Variants in SETDB2 observed in about 807,000 individuals in gnomAD.
SETDB2 encodes histone-lysine N-methyltransferase SETDB2.
In SETDB2, 56 loss-of-function variants were observed where a neutral mutation model predicts 82.5. The observed-to-expected ratio is 0.68, with a 90% CI of 0.55 to 0.85. SETDB2 has a LOEUF of 0.85. Ranked by LOEUF, SETDB2 falls within the 40% of genes least tolerant of loss-of-function variation. The pLI, the probability that SETDB2 is intolerant of heterozygous loss-of-function variation, is 0.00. For missense variants in SETDB2, 677 were observed against 816.4 expected (o/e 0.83, Z 2.08); for synonymous variants, 272 against 284.9 (o/e 0.95, Z 0.46).
intron 2 of SETDB2, among the ~76,000 whole-genome samples, chr13:49,457,466 C>G (rs1339828168): frequency 1.5e-5 from 2 of 131,960 alleles, no homozygotes; most frequent in African/African-American, 2.8e-5. Context: ...AAGAGTCTTG[C>G]TCTGTTACCC....
chr13:49,455,148 A>G (rs1347563760), intron 2 of SETDB2, among the ~76,000 whole-genome samples: 1 of 152,148 alleles, frequency 6.6e-6, no homozygotes, highest in Non-Finnish European at 1.5e-5. Flanking sequence ...TTAGATTCTT[A>G]TATCTGCTTC....
intron 4 of SETDB2, among the ~76,000 whole-genome samples, chr13:49,467,522 A>G (rs1958140197): frequency 6.6e-6 from 1 of 152,234 alleles, no homozygotes; most frequent in African/African-American, 2.4e-5. Flanking sequence ...TCTGACTTTT[A>G]TAGAGCCTTT....
At position 49,477,001 on chromosome 13, in the gene SETDB2, T is replaced by G. The variant is rs755499596; in HGVS notation, c.831T>G (p.Phe277Leu). 39 of 1,610,208 alleles carry G rather than the reference T, an allele frequency of 2.4e-5. No individual in the cohort carries two copies. The highest frequency in any genetic ancestry group is 3.3e-5 in the South Asian group (3 of 90,736). ...AYNLTNFSSM[F>L]TDSCDCSEGC... ...ATCTAACCAACTTTTCCAGCATGTT[T>G]ACTGATTCCTGTGACTGCTCTGAGG... Residue 277 changes from phenylalanine (F) to leucine (L), a missense_variant, in exon 6 of 14, where the codon TTT becomes TTG. Around this residue, in one of 3 missense-constraint regions of SETDB2, gnomAD observed 420 missense variants for 554.6 expected, o/e 0.76. Transcript: ENST00000611815.
intron 1 of SETDB2, among the ~76,000 whole-genome samples, chr13:49,449,343 C>T (rs2138806951): frequency 6.6e-6 from 1 of 152,112 alleles, no homozygotes; most frequent in Non-Finnish European, 1.5e-5. Context: ...CTCTGCCTCC[C>T]AGGTTCAAGC....
At chr13:49,448,901 T>C (rs1417402836) in intron 1 of SETDB2, among the ~76,000 whole-genome samples, 1 of 152,184 alleles carries the variant, frequency 6.6e-6, no homozygotes, top group African/African-American at 2.4e-5. Context: ...TATTTCAGAG[T>C]GATGTTATTT....
At chr13:49,466,109 C>A (rs1387074456) in intron 4 of SETDB2, among the ~76,000 whole-genome samples, 1 of 152,130 alleles carries the variant, frequency 6.6e-6, no homozygotes, top group Non-Finnish European at 1.5e-5. Context: ...GTCTCTTTCT[C>A]CATATCATTT....
chr13:49,479,049 C>A (rs1958426470), intron 6 of SETDB2, among the ~76,000 whole-genome samples: 1 of 151,616 alleles, frequency 6.6e-6, no homozygotes, highest in Non-Finnish European at 1.5e-5. Context: ...TATTGAACAA[C>A]AAAAAAAGCA....
In SETDB2 at chr13:49,476,624, C is replaced by A; in HGVS notation, c.454C>A (p.Pro152Thr). The change falls in exon 6 of 14, where the codon CCT becomes ACT. Residue 152 changes from proline (P) to threonine (T), a missense_variant. Physicochemically the swap from Pro to Thr is conservative, Grantham distance 38. This residue lies in a region of SETDB2 where 243 missense variants were observed against 237.2 expected (regional missense o/e 1.02). Coordinates refer to ENST00000611815, the MANE Select transcript of SETDB2 (RefSeq NM_001160308.3). The stretch of plus-strand genomic sequence containing the variant: ...GCCACTGAACTTGAAGGGAGAAAAC[C>A]CTCTGCAGCTGCCAATCAAATGTCA... ...KMPLNLKGENPLQLPIKCHFQ... is the reference protein window; with the variant it reads ...KMPLNLKGENTLQLPIKCHFQ... 1 of 1,614,056 alleles carries A rather than the reference C, an allele frequency of 6.2e-7. No individual in the cohort carries two copies. Among genetic ancestry groups the A allele is most frequent in the Non-Finnish European group, 8.5e-7 (1 of 1,180,014 alleles).
intron 2 of SETDB2, among the ~76,000 whole-genome samples, chr13:49,458,449 T>C (rs1957933332): frequency 6.6e-6 from 1 of 152,216 alleles, no homozygotes; most frequent in Non-Finnish European, 1.5e-5. Context: ...CCAACTACAC[T>C]TGAACTCCAA....
chr13:49,480,312 A>G lies in SETDB2; in HGVS notation c.963A>G (p.Arg321=), dbSNP rs766517724. The change falls in exon 7 of 14, where the codon AGA becomes AGG. Residue 321 remains arginine (R), a synonymous_variant. Coordinates refer to ENST00000611815, the MANE Select transcript of SETDB2 (RefSeq NM_001160308.3). ...TAACCACTGGATATAAATATAAAAG[A>G]CTACAGAGACAGATTCCTACTGGGT... is the stretch of plus-strand genomic sequence containing the variant. ...DKITTGYKYK[R]LQRQIPTGIY... The G allele has an allele frequency of 3.1e-6, 5 of 1,603,096 alleles. No homozygotes were observed. The highest frequency in any genetic ancestry group is 4.3e-6 in the Non-Finnish European group (5 of 1,176,180).
intron 6 of SETDB2, 32 bp from the exon 7 acceptor site, chr13:49,480,187 C>T (rs1300186612): frequency 7.0e-7 from 1 of 1,428,192 alleles, no homozygotes; most frequent in Non-Finnish European, 9.7e-7. Context: ...GCTGCTTTTT[C>T]ATTCTTTCTC....
At chr13:49,452,050 A>G (rs1957795270) in intron 2 of SETDB2, 141 bp downstream of exon 2, 1 of 506,296 alleles carries the variant, frequency 2.0e-6, no homozygotes, top group Non-Finnish European at 3.3e-6. Flanking sequence ...TTATTCTTGT[A>G]TAGCCACCAA....
intron 10 of SETDB2, among the ~76,000 whole-genome samples, 190 bp downstream of exon 10, chr13:49,483,753 G>A (rs747775250): frequency 6.7e-6 from 1 of 149,890 alleles, no homozygotes; most frequent in Non-Finnish European, 1.5e-5. Context: ...TCAGCCTCCC[G>A]AATGGCTGGG....
At chr13:49,450,901 C>A (rs1957773062) in intron 1 of SETDB2, among the ~76,000 whole-genome samples, 1 of 150,750 alleles carries the variant, frequency 6.6e-6, no homozygotes. Flanking sequence ...AAAAATTAAT[C>A]TATAAAGGAA....
intron 5 of SETDB2, among the ~76,000 whole-genome samples, chr13:49,473,163 TAATC>T (rs2138923051): frequency 6.6e-6 from 1 of 152,278 alleles, no homozygotes; most frequent in African/African-American, 2.4e-5. Context: ...TATCCTGAAT[TAATC>T]CCTTCATATT....
intron 11 of SETDB2, 131 bp downstream of exon 11, chr13:49,485,854 C>A: frequency 1.1e-6 from 1 of 903,964 alleles, no homozygotes; most frequent in South Asian, 1.3e-5. Context: ...TACAACTTGT[C>A]TACATAAGAG....
intron 5 of SETDB2, among the ~76,000 whole-genome samples, chr13:49,468,497 A>G (rs1245836557): frequency 6.6e-6 from 1 of 151,776 alleles, no homozygotes; most frequent in Non-Finnish European, 1.5e-5. Context: ...TATTTTTAGT[A>G]GGTAATACCT....
intron 8 of SETDB2, chr13:49,481,908 A>T: frequency 3.6e-6 from 1 of 280,364 alleles, no homozygotes; most frequent in Non-Finnish European, 5.4e-6. Context: ...AATCAGGTTT[A>T]ATCTGTTTAC....
At position 49,483,537 on chromosome 13, in the gene SETDB2, AT is replaced by A; in HGVS notation, c.1461del (p.Gln488AsnfsTer30). On this transcript the variant is annotated frameshift_variant, in exon 10 of 14. Transcript: ENST00000611815. LOFTEE classifies it high-confidence loss of function. ...TAGAGATCCTGAATCCAAGACAGCC[AT>A]TTTTCAACACAATGGGAAAAAAATG... ...VIRDPESKTA[I>X]FQHNGKKMEF... 2.7e-6 allele frequency: 4 copies of A among 1,484,650 alleles called. No individual in the cohort carries two copies. The highest frequency in any genetic ancestry group is 3.6e-6 in the Non-Finnish European group (4 of 1,099,054). The allele number at this position is 1,484,650 out of a possible 1,614,324, so 92.0% of individuals were successfully genotyped here.
Sources: gnomAD v4.1 joint callset for allele counts (sites outside exome capture counted in the v4.1 genomes callset) on GRCh38, gnomAD v4.1.1 for gene constraint, gnomAD v4.1.1 regional missense constraint, MANE v1.5 for transcripts, NCBI Gene and HGNC (gene_info 2026-07-23, HGNC 2026-07-21) for gene names.